Variants in NCKAP1L observed in about 807,000 individuals in gnomAD.
NCKAP1L encodes nck-associated protein 1-like.
A neutral mutation model predicts 139.2 loss-of-function variants in NCKAP1L; 53 were observed. The ratio of observed to expected loss-of-function variants is 0.38; its 90% CI spans 0.31 to 0.48. NCKAP1L has a LOEUF of 0.48. NCKAP1L is among the 20% of genes least tolerant of loss of function. The pLI, the probability that NCKAP1L is intolerant of heterozygous loss-of-function variation, is 0.98. For synonymous variants in NCKAP1L, 468 were observed against 499.7 expected, an observed-to-expected ratio of 0.94 and a Z score of 0.85; for missense variants, 1,151 against 1,381.9, an observed-to-expected ratio of 0.83 and a Z score of 2.65.
In NCKAP1L at chr12:54,528,336, G is replaced by A. The variant is rs1271925939; in HGVS notation, c.2465G>A (p.Gly822Glu). The change falls in exon 22 of 31, where the codon GGG (glycine) becomes GAG (glutamate). Residue 822 changes from glycine to glutamate, a missense_variant. Coordinates refer to ENST00000293373, the MANE Select transcript of NCKAP1L (RefSeq NM_005337.5). ...GCCTTCGTCAGCCTGCCCAGAGAAG[G>A]GGAGCAGAACTTCAGTGCAGAGGAG... Reference protein sequence around the residue: ...MQAFVSLPREGEQNFSAEEFS... With the variant: ...MQAFVSLPREEEQNFSAEEFS... The A allele has an allele frequency of 6.2e-7, 1 of 1,614,054 alleles. No homozygotes were observed.
intron 4 of NCKAP1L, 119 bp downstream of exon 4, chr12:54,508,028 G>T: frequency 1.1e-6 from 1 of 878,230 alleles, no homozygotes; most frequent in Admixed American, 2.1e-5. Flanking sequence ...TGGCTATTTT[G>T]TTTATTCCTT....
chr12:54,509,631 A>AG (rs1303282381), intron 5 of NCKAP1L, 38 bp from the exon 6 acceptor site: 1 of 1,392,204 alleles, frequency 7.2e-7, no homozygotes, highest in Admixed American at 1.7e-5. Context: ...GTCATGGGTA[A>AG]GGGAGGGCTG....
intron 30 of NCKAP1L, among the ~76,000 whole-genome samples, chr12:54,541,952 A>C (rs1592355804): frequency 1.4e-5 from 2 of 146,168 alleles, no homozygotes; most frequent in African/African-American, 2.6e-5. Flanking sequence ...CTTCACCCTC[A>C]CCCCCACTCT....
chr12:54,529,443 T>C (rs562870602), intron 22 of NCKAP1L, among the ~76,000 whole-genome samples: 11 of 152,318 alleles, frequency 7.2e-5, no homozygotes, highest in African/African-American at 2.2e-4. Flanking sequence ...CTCACCTCCA[T>C]ATAAATCAGG....
At chr12:54,516,323 G>C (rs750094230) in intron 10 of NCKAP1L, 28 bp downstream of exon 10, 2 of 1,601,842 alleles carry the variant, frequency 1.2e-6, no homozygotes, top group South Asian at 2.2e-5. Context: ...CACTCTCTGA[G>C]AGGGGATGGA....
rs377159915 is a variant in NCKAP1L, at chr12:54,547,536, A to C, written c.*4851A>C. The C allele has an allele frequency of 1.8e-5, 1 of 55,106 alleles. No homozygotes were observed. The highest frequency in any genetic ancestry group is 5.5e-5 in the Non-Finnish European group (1 of 18,346). The allele number at this position is 55,106 out of a possible 1,614,324, so 3.4% of individuals were successfully genotyped here. A position where few individuals can be genotyped will look rare whatever the true frequency, so the allele number is the denominator to read the frequency against. ...TGTGTGTGTGTGTGTGTGTGTGTGAATTAGCCTTAAAATGAATCAGGAGCA... is the reference window on the plus strand; with the variant it reads ...TGTGTGTGTGTGTGTGTGTGTGTGACTTAGCCTTAAAATGAATCAGGAGCA... On this transcript the variant is annotated 3_prime_UTR_variant, in exon 31 of 31. Transcript: ENST00000293373.
intron 25 of NCKAP1L, 58 bp downstream of exon 25, chr12:54,531,883 T>G (rs1029646080): frequency 1.5e-5 from 21 of 1,376,512 alleles, no homozygotes; most frequent in African/African-American, 8.6e-5. Context: ...GGGTAGGGTT[T>G]GTATGATAAT....
At chr12:54,538,258 C>T (rs1957128656) in intron 29 of NCKAP1L, among the ~76,000 whole-genome samples, 1 of 152,200 alleles carries the variant, frequency 6.6e-6, no homozygotes, top group African/African-American at 2.4e-5. Context: ...ATAGACCTGG[C>T]TCTCAGCATC....
chr12:54,501,356 A>G (rs1256313972), intron 3 of NCKAP1L, among the ~76,000 whole-genome samples: 1 of 152,134 alleles, frequency 6.6e-6, no homozygotes, highest in Non-Finnish European at 1.5e-5. Context: ...TCGTATGTTG[A>G]TGGACACTTA....
Position 54,532,366 on chromosome 12 carries a change from G to A in NCKAP1L, c.2862+116G>A, listed in dbSNP as rs1262348946. On this transcript the variant is annotated intron_variant, in intron 26 of 30. Coordinates refer to ENST00000293373, the MANE Select transcript of NCKAP1L (RefSeq NM_005337.5). ...AAGAACACCATAGGGATAAGGGCGA[G>A]GGTTTGAATAGGAAAACTGGTCAGA... 9.4e-6 allele frequency: 6 copies of A among 639,406 alleles called. No homozygotes were observed. In the East Asian group the frequency reaches 1.2e-4, roughly 13 times the overall value. The allele number at this position is 639,406 out of a possible 1,614,324, so 39.6% of individuals were successfully genotyped here.
chr12:54,536,864 T>G, intron 28 of NCKAP1L, 80 bp from the exon 29 acceptor site: 1 of 923,352 alleles, frequency 1.1e-6, no homozygotes, highest in Admixed American at 2.0e-5. Flanking sequence ...ACATGAGAAA[T>G]TACTAGTTTG....
Position 54,507,911 on chromosome 12 carries a change from T to TAAGAACCTTTGCAA in NCKAP1L, c.363+3_363+16dup. ...GCCTGCCAGTGCCATTTTGATATCG[T>TAAGAACCTTTGCAA]AAGAACCTTTGCAATTCTCTTCTAT... On this transcript the variant is annotated splice_region_variant and intron_variant, in intron 4 of 30. Transcript: ENST00000293373. 6.2e-7 allele frequency: 1 copy of TAAGAACCTTTGCAA among 1,613,716 alleles called. No homozygotes were observed. The highest frequency in any genetic ancestry group is 8.5e-7 in the Non-Finnish European group (1 of 1,179,610).
At chr12:54,504,906 T>G (rs907011888) in intron 3 of NCKAP1L, among the ~76,000 whole-genome samples, 4 of 152,234 alleles carry the variant, frequency 2.6e-5, no homozygotes, top group Non-Finnish European at 5.9e-5. Flanking sequence ...GAATAAGACC[T>G]GCGTAGTGAC....
chr12:54,533,464 G>C (rs10506332), intron 26 of NCKAP1L, among the ~76,000 whole-genome samples: 7,274 of 152,232 alleles, frequency 0.048, 562 homozygotes, highest in African/African-American at 0.17. Context: ...TTCCACAAAC[G>C]GTCATTTAGG....
At chr12:54,504,472 G>A (rs565384217) in intron 3 of NCKAP1L, among the ~76,000 whole-genome samples, 1 of 152,276 alleles carries the variant, frequency 6.6e-6, no homozygotes, top group Non-Finnish European at 1.5e-5. Context: ...GAAGAATGCT[G>A]GAAGCACATA....
At chr12:54,513,870 T>C (rs904390493) in intron 9 of NCKAP1L, among the ~76,000 whole-genome samples, 3 of 152,180 alleles carry the variant, frequency 2.0e-5, no homozygotes, top group Non-Finnish European at 2.9e-5. Context: ...ACCAATTTTT[T>C]TTCTGGTTGC....
chr12:54,531,443 T>C (rs554570607), intron 23 of NCKAP1L, 48 bp from the exon 24 acceptor site: 2 of 1,608,052 alleles, frequency 1.2e-6, no homozygotes, highest in East Asian at 2.2e-5. Context: ...AGATGTAACA[T>C]TGGTCTCTTC....
chr12:54,517,938 G>T lies in NCKAP1L; in HGVS notation c.1338G>T (p.Gln446His). The change falls in exon 13 of 31, where the codon CAG (glutamine) becomes CAT (histidine). Residue 446 changes from glutamine to histidine, a missense_variant and splice_region_variant. Transcript: ENST00000293373. ...FDALVLSDII[Q>H]NLSVCPEEES... ...CTCTTGTGCTCAGTGACATCATTCA[G>T]GTATGATATTTAATTGATTATACTT... The T allele has an allele frequency of 6.2e-7, 1 of 1,613,980 alleles. No homozygotes were observed. Among genetic ancestry groups the T allele is most frequent in the Non-Finnish European group, 8.5e-7 (1 of 1,179,984 alleles).
At position 54,538,969 on chromosome 12, in the gene NCKAP1L, G is replaced by A. The variant is rs1212779362; in HGVS notation, c.3269G>A (p.Arg1090His). Reference protein sequence around the residue: ...RNRESISLLMRLVVEESSFLT... With the variant: ...RNRESISLLMHLVVEESSFLT... Reference sequence around the variant, plus strand: ...CGAGAATCCATTTCTCTGCTCATGCGCTTGGTAAGTACCTTATTTAAATTG... The same window carrying A: ...CGAGAATCCATTTCTCTGCTCATGCACTTGGTAAGTACCTTATTTAAATTG... Residue 1090 changes from arginine to histidine, a missense_variant, in exon 30 of 31, where the codon CGC becomes CAC. Arg to His is a conservative substitution (Grantham distance 29). Transcript: ENST00000293373. 6.2e-6 allele frequency: 10 copies of A among 1,613,566 alleles called. No individual in the cohort carries two copies. The highest frequency in any genetic ancestry group is 2.2e-5 in the South Asian group (2 of 91,074).
Sources: allele counts gnomAD v4.1 joint callset (sites outside exome capture counted in the v4.1 genomes callset), GRCh38; gene constraint gnomAD v4.1.1; transcripts MANE v1.5; gene names NCBI Gene and HGNC (gene_info 2026-07-23, HGNC 2026-07-21).